RNF216: variants seen among roughly 807,000 people sequenced by gnomAD.
RNF216 encodes E3 ubiquitin-protein ligase RNF216.
In RNF216, 72 loss-of-function variants were observed where a neutral mutation model predicts 110.8. That is an observed-to-expected ratio of 0.65 (90% CI 0.54 to 0.79). The LOEUF (loss-of-function observed/expected upper bound fraction) is 0.79. RNF216 is among the 30% of genes least tolerant of loss of function. The pLI, the probability that RNF216 is intolerant of heterozygous loss-of-function variation, is 0.00. For synonymous variants in RNF216, 495 were observed against 407.5 expected (o/e 1.21, Z -2.59); for missense variants, 1,342 against 1,141.2 (o/e 1.18, Z -2.54).
At chr7:5,689,934 CA>C (rs1355642051) in intron 13 of RNF216, among the ~76,000 whole-genome samples, 216 of 122,366 alleles carry the variant, frequency 1.8e-3, no homozygotes, top group Admixed American at 2.0e-3. Flanking sequence ...CTGTCTCAAA[CA>C]AAAAAAAAAA....
At chr7:5,638,924 G>A (rs1787566467) in intron 15 of RNF216, among the ~76,000 whole-genome samples, 1 of 152,066 alleles carries the variant, frequency 6.6e-6, no homozygotes, top group Admixed American at 6.6e-5. Flanking sequence ...CACTGCACCT[G>A]GCCAGCAAGC....
chr7:5,684,091 C>CTTT (rs1790824352), intron 13 of RNF216, among the ~76,000 whole-genome samples: 4 of 127,580 alleles, frequency 3.1e-5, no homozygotes, highest in Admixed American at 9.4e-5. Flanking sequence ...CAAGCTGGGC[C>CTTT]TTCTTTTTTT....
rs1340640923 is a variant in RNF216, at chr7:5,696,976, T to C, written c.2061+14785A>G. ...ATGTGATCCCACTGTGTCCCTCCAT[T>C]ACGCCAGCAACAGCTCCAGGGACGG... On this transcript the variant is annotated intron_variant, in intron 13 of 16. Coordinates refer to ENST00000389902, the MANE Select transcript of RNF216 (RefSeq NM_207111.4). This position sits in a 1 kb window ranked among gnomAD's most constrained non-coding sequence, Gnocchi z 5.4. Among the ~76,000 whole-genome samples the C allele has an allele frequency of 6.6e-6, 1 of 152,124 alleles. No homozygotes were observed. The highest frequency in any genetic ancestry group is 2.4e-5 in the African/African-American group (1 of 41,424).
At chr7:5,644,758 G>A (rs1787949775) in intron 14 of RNF216, among the ~76,000 whole-genome samples, 1 of 151,954 alleles carries the variant, frequency 6.6e-6, no homozygotes, top group Non-Finnish European at 1.5e-5. Flanking sequence ...GCCCGACCTT[G>A]GCCTCTCAAA....
chr7:5,694,949 A>G (rs977960351), intron 13 of RNF216, among the ~76,000 whole-genome samples: 1 of 152,234 alleles, frequency 6.6e-6, no homozygotes, highest in Admixed American at 6.5e-5. Flanking sequence ...ACCCTGGTTA[A>G]CTGACATACA....
intron 1 of RNF216, among the ~76,000 whole-genome samples, chr7:5,768,981 C>T (rs1335196797): frequency 6.6e-6 from 1 of 151,818 alleles, no homozygotes; most frequent in Non-Finnish European, 1.5e-5. Flanking sequence ...TTAAAATCCA[C>T]ACATTAACGA....
At chr7:5,635,548 CCAA>C (rs1243815429) in intron 15 of RNF216, among the ~76,000 whole-genome samples, 5 of 152,150 alleles carry the variant, frequency 3.3e-5, no homozygotes, top group African/African-American at 1.2e-4. Context: ...CTCCCTAATT[CCAA>C]CAACATCATG....
At chr7:5,709,340 G>T (rs777726854) in intron 13 of RNF216, among the ~76,000 whole-genome samples, 1 of 152,212 alleles carries the variant, frequency 6.6e-6, no homozygotes, top group Non-Finnish European at 1.5e-5. Flanking sequence ...TGCTGTGCCA[G>T]GGGGAGGAAC....
intron 1 of RNF216, among the ~76,000 whole-genome samples, chr7:5,762,442 G>A (rs901648714): frequency 6.6e-6 from 1 of 151,790 alleles, no homozygotes; most frequent in Non-Finnish European, 1.5e-5. Flanking sequence ...CGGATCATGA[G>A]GTCAGGAGAT....
At chr7:5,668,762 C>G (rs903662090) in intron 13 of RNF216, among the ~76,000 whole-genome samples, 1 of 152,242 alleles carries the variant, frequency 6.6e-6, no homozygotes, top group Admixed American at 6.5e-5. Context: ...TAGCCGGGGT[C>G]TGCTGTTGCC....
chr7:5,770,216 C>T (rs1796425584), intron 1 of RNF216, among the ~76,000 whole-genome samples: 1 of 151,700 alleles, frequency 6.6e-6, no homozygotes, highest in Non-Finnish European at 1.5e-5. Context: ...AACCCCAGCA[C>T]TTTCGGAGGC....
At chr7:5,759,806 A>AT (rs1795838917) in intron 2 of RNF216, among the ~76,000 whole-genome samples, 1 of 151,352 alleles carries the variant, frequency 6.6e-6, no homozygotes. Flanking sequence ...TAATTTTTGT[A>AT]TTTTTTAGTA....
At chr7:5,774,077 G>T (rs1020148236) in intron 1 of RNF216, among the ~76,000 whole-genome samples, 1 of 152,190 alleles carries the variant, frequency 6.6e-6, no homozygotes, top group Non-Finnish European at 1.5e-5. Flanking sequence ...TCTGATGATG[G>T]AATTTCTACT....
intron 3 of RNF216, among the ~76,000 whole-genome samples, chr7:5,750,909 T>A (rs60372872): frequency 0.096 from 12,866 of 134,196 alleles, 722 homozygotes; most frequent in African/African-American, 0.17. Flanking sequence ...ACAGAGAAGA[T>A]TCTGTGCAGT....
intron 1 of RNF216, among the ~76,000 whole-genome samples, chr7:5,769,270 A>C (rs1223575328): frequency 6.6e-6 from 1 of 151,824 alleles, no homozygotes; most frequent in African/African-American, 2.4e-5. Flanking sequence ...GGCGTGCGCC[A>C]CCACGCCCAG....
At chr7:5,666,445 G>A (rs879497704) in intron 13 of RNF216, among the ~76,000 whole-genome samples, 2 of 152,160 alleles carry the variant, frequency 1.3e-5, no homozygotes, top group African/African-American at 2.4e-5. Flanking sequence ...CTGGGGGAAA[G>A]AATTCCAGGC....
intron 13 of RNF216, among the ~76,000 whole-genome samples, chr7:5,676,406 G>A (rs929546174): frequency 6.6e-6 from 1 of 152,200 alleles, no homozygotes; most frequent in Non-Finnish European, 1.5e-5. Flanking sequence ...TAAAAGTGCT[G>A]ACGGCAGTTG....
intron 13 of RNF216, among the ~76,000 whole-genome samples, chr7:5,656,776 G>A (rs1241868298): frequency 6.6e-6 from 1 of 152,230 alleles, no homozygotes; most frequent in Non-Finnish European, 1.5e-5. Context: ...CCTGAATAAT[G>A]ATTAATGAAT....
At chr7:5,647,097 C>A (rs962907587) in intron 14 of RNF216, among the ~76,000 whole-genome samples, 5 of 151,738 alleles carry the variant, frequency 3.3e-5, no homozygotes, top group African/African-American at 1.2e-4. Flanking sequence ...GCTGTTTCAG[C>A]CCTGAGGAAG....
Sources: allele counts gnomAD v4.1 joint callset (sites outside exome capture counted in the v4.1 genomes callset), GRCh38; gene constraint gnomAD v4.1.1; non-coding constraint Gnocchi (gnomAD v3.1); transcripts MANE v1.5; gene names NCBI Gene and HGNC (gene_info 2026-07-23, HGNC 2026-07-21).